HMGA2: variants seen among roughly 807,000 people sequenced by gnomAD.
The protein encoded by HMGA2 is high mobility group AT-hook 2.
HMGA2 carries 8 observed loss-of-function variants against 19.1 expected under a neutral mutation model. That is an observed-to-expected ratio of 0.42 (90% CI 0.25 to 0.76). The LOEUF (loss-of-function observed/expected upper bound fraction) is 0.76. Among genes scored for constraint, HMGA2 ranks in the 30% least tolerant of loss-of-function variants. The pLI, the probability that HMGA2 is intolerant of heterozygous loss-of-function variation, is 0.28. For missense variants in HMGA2, 109 were observed against 136.3 expected (o/e 0.80, Z 1.00); for synonymous variants, 60 against 48.8 (o/e 1.23, Z -0.96).
At chr12:65,960,768 G>T (rs991310432) in intron 4 of HMGA2, among the ~76,000 whole-genome samples, 8 of 152,196 alleles carry the variant, frequency 5.3e-5, no homozygotes, top group Admixed American at 2.0e-4. Flanking sequence ...TCTAAGGTCA[G>T]CAGAAAGATA....
chr12:65,934,877 C>G (rs555716570), intron 3 of HMGA2: 1 of 152,232 alleles, frequency 6.6e-6, no homozygotes, highest in African/African-American at 2.4e-5. Context: ...CAGGTGTTAC[C>G]CTGCAGGACT....
At chr12:65,947,128 T>C (rs372159756) in intron 3 of HMGA2, among the ~76,000 whole-genome samples, 4 of 152,082 alleles carry the variant, frequency 2.6e-5, no homozygotes, top group African/African-American at 9.7e-5. Context: ...CACCACTTTT[T>C]TTTTTTTTTG....
chr12:65,916,288 G>T (rs1209577065), intron 3 of HMGA2, among the ~76,000 whole-genome samples: 2 of 152,162 alleles, frequency 1.3e-5, no homozygotes, highest in Admixed American at 1.3e-4. Flanking sequence ...ATATAAAAAA[G>T]TGTGTAAAAA....
At position 65,935,258 on chromosome 12, in the gene HMGA2, G is replaced by C. The variant is rs575437255; in HGVS notation, c.250-16125G>C. The stretch of plus-strand genomic sequence containing the variant: ...TTAATTCTAAGCTTATATGTATATA[G>C]GGAATTTTATCAATTATTAGCACCA... On this transcript the variant is annotated intron_variant, in intron 3 of 4. Transcript: ENST00000403681. The C allele has an allele frequency of 9.2e-5, 14 of 152,298 alleles. No homozygotes were observed. In the South Asian group the frequency reaches 2.9e-3, roughly 32 times the overall value. 9.4% of individuals were successfully genotyped at this position (152,298 alleles called of 1,614,324 possible).
intron 3 of HMGA2, among the ~76,000 whole-genome samples, chr12:65,888,855 G>T (rs924263114): frequency 2.7e-5 from 4 of 147,774 alleles, no homozygotes; most frequent in Non-Finnish European, 4.5e-5. Flanking sequence ...GAGCCACGGC[G>T]CCCGGCCCCG....
chr12:65,863,356 G>A (rs1565712405), intron 3 of HMGA2, among the ~76,000 whole-genome samples: 1 of 152,212 alleles, frequency 6.6e-6, no homozygotes, highest in Non-Finnish European at 1.5e-5. Context: ...GTGAACATCT[G>A]TAAAGAAGAA....
chr12:65,914,219 A>C (rs1008721908), intron 3 of HMGA2, among the ~76,000 whole-genome samples: 27 of 152,102 alleles, frequency 1.8e-4, no homozygotes, highest in African/African-American at 6.3e-4. Context: ...CATTATTCAC[A>C]ATAGCAAAGA....
intron 3 of HMGA2, among the ~76,000 whole-genome samples, chr12:65,935,967 A>G (rs1050296118): frequency 3.9e-5 from 6 of 152,152 alleles, no homozygotes; most frequent in African/African-American, 1.4e-4. Flanking sequence ...TGCATTCTTG[A>G]TGCAGCGTCC....
intron 3 of HMGA2, among the ~76,000 whole-genome samples, chr12:65,855,722 A>G (rs1871706543): frequency 6.6e-6 from 1 of 151,910 alleles, no homozygotes; most frequent in African/African-American, 2.4e-5. Flanking sequence ...GATGATGATG[A>G]TGATGATGAT....
At chr12:65,856,987 C>T (rs762325730) in intron 3 of HMGA2, 3 of 152,186 alleles carry the variant, frequency 2.0e-5, no homozygotes, top group Non-Finnish European at 4.4e-5. Flanking sequence ...TAGGGCTTCA[C>T]TATATCTTTT....
At chr12:65,918,002 CAA>C (rs1875171136) in intron 3 of HMGA2, among the ~76,000 whole-genome samples, 1 of 152,148 alleles carries the variant, frequency 6.6e-6, no homozygotes, top group South Asian at 2.1e-4. Flanking sequence ...TTTGATAAGT[CAA>C]ACTAAAACAT....
intron 3 of HMGA2, among the ~76,000 whole-genome samples, chr12:65,854,685 A>C (rs1326827884): frequency 2.0e-5 from 3 of 152,206 alleles, no homozygotes; most frequent in Non-Finnish European, 4.4e-5. Flanking sequence ...GCTAGGTATT[A>C]AGCCCAACAT....
In HMGA2 at chr12:65,915,790, T is replaced by C. The variant is rs1218937655; in HGVS notation, c.250-35593T>C. 2.6e-5 allele frequency among the ~76,000 whole-genome samples: 4 copies of C among 152,362 alleles called. No individual in the cohort carries two copies. The East Asian group carries it at 7.7e-4, about 29-fold the overall frequency. On this transcript the variant is annotated intron_variant, in intron 3 of 4. Transcript: ENST00000403681. ...TTGGACATTTGGGTATTAACCCAAA[T>C]AGATTTTGCTTAAAATGTCCACATT...
intron 3 of HMGA2, among the ~76,000 whole-genome samples, chr12:65,906,228 C>T (rs778698095): frequency 1.7e-4 from 26 of 152,114 alleles, no homozygotes; most frequent in Non-Finnish European, 3.5e-4. Context: ...AAACTCATGT[C>T]GGGAAGTTGC....
intron 3 of HMGA2, among the ~76,000 whole-genome samples, chr12:65,891,646 T>A (rs1873917723): frequency 6.6e-6 from 1 of 152,206 alleles, no homozygotes. Flanking sequence ...AGAGCAGTTT[T>A]CCTGGCTTCT....
At chr12:65,904,557 A>G (rs2121188234) in intron 3 of HMGA2, among the ~76,000 whole-genome samples, 1 of 152,340 alleles carries the variant, frequency 6.6e-6, no homozygotes, top group East Asian at 1.9e-4. Flanking sequence ...AACAAGGTGC[A>G]AGAGAATGGT....
intron 3 of HMGA2, chr12:65,842,799 T>A (rs1871058717): frequency 7.3e-7 from 1 of 1,377,098 alleles, no homozygotes; most frequent in East Asian, 2.6e-5. Context: ...ATTTTTCTAT[T>A]CTTGCCTAGG....
At chr12:65,914,828 C>A in intron 3 of HMGA2, 1 of 440,362 alleles carries the variant, frequency 2.3e-6, no homozygotes, top group Non-Finnish European at 4.3e-6. Context: ...GCACCCACCA[C>A]CACACCCAGC....
intron 3 of HMGA2, among the ~76,000 whole-genome samples, chr12:65,925,963 A>G (rs1309261958): frequency 1.3e-5 from 2 of 152,226 alleles, no homozygotes; most frequent in East Asian, 3.8e-4. Flanking sequence ...GAGGGGGTAT[A>G]TTATGCATCC....
Sources: gnomAD v4.1 joint callset for allele counts (sites outside exome capture counted in the v4.1 genomes callset) on GRCh38, gnomAD v4.1.1 for gene constraint, MANE v1.5 for transcripts, NCBI Gene and HGNC (gene_info 2026-07-23, HGNC 2026-07-21) for gene names.